RALA: variants seen among roughly 807,000 people sequenced by gnomAD.
RALA encodes RAS like proto-oncogene A.
In RALA, 5 loss-of-function variants were observed where a neutral mutation model predicts 24.0. The observed-to-expected ratio is 0.21, with a 90% confidence interval of 0.11 to 0.44. RALA has a LOEUF of 0.44. Among genes scored for constraint, RALA ranks in the 20% least tolerant of loss-of-function variants. The pLI, the probability that RALA is intolerant of heterozygous loss-of-function variation, is 0.99. For synonymous variants in RALA, 77 were observed against 83.8 expected, an observed-to-expected ratio of 0.92 and a Z score of 0.44; for missense variants, 95 against 241.2, an observed-to-expected ratio of 0.39 and a Z score of 4.01.
At chr7:39,693,543 T>C (rs1286859532) in intron 3 of RALA, among the ~76,000 whole-genome samples, 2 of 152,196 alleles carry the variant, frequency 1.3e-5, no homozygotes, top group Non-Finnish European at 2.9e-5. Flanking sequence ...GTTGTGCACA[T>C]GTACCCTACA....
At chr7:39,676,642 A>G (rs1161713873) in intron 1 of RALA, among the ~76,000 whole-genome samples, 1 of 152,172 alleles carries the variant, frequency 6.6e-6, no homozygotes, top group Non-Finnish European at 1.5e-5. Flanking sequence ...GAGCTTCTCT[A>G]TCGAAAATCT....
chr7:39,680,409 T>C (rs1227765482), intron 1 of RALA, among the ~76,000 whole-genome samples: 3 of 115,462 alleles, frequency 2.6e-5, no homozygotes, highest in East Asian at 2.2e-4. Flanking sequence ...AACACAAATA[T>C]ATATATATAT....
intron 1 of RALA, among the ~76,000 whole-genome samples, chr7:39,668,280 A>G (rs944740658): frequency 1.3e-5 from 2 of 152,358 alleles, no homozygotes; most frequent in Admixed American, 1.3e-4. Flanking sequence ...CATTTGGACA[A>G]TGTGCATGAT....
rs376119846 is a variant in RALA at position 39,692,280 on chromosome 7, C to T, written c.323+1690C>T. ...GTCTATATATGCAATGTCCTTGCTG[C>T]AGCTCCAGTATCACACTTAACACCT... On this transcript the variant is annotated intron_variant, in intron 3 of 4. Transcript: ENST00000005257. Among the ~76,000 whole-genome samples, 218 of 152,312 alleles carry T rather than the reference C, an allele frequency of 1.4e-3. 9 individuals carry two copies. In the South Asian group the frequency reaches 0.041, roughly 29 times the overall value.
intron 4 of RALA, among the ~76,000 whole-genome samples, chr7:39,697,196 C>T (rs1017158569): frequency 6.6e-6 from 1 of 152,018 alleles, no homozygotes; most frequent in South Asian, 2.1e-4. Context: ...AGCACTAAAC[C>T]GTTCTTACCT....
At chr7:39,638,326 A>C (rs6961667) in intron 1 of RALA, among the ~76,000 whole-genome samples, 1 of 151,994 alleles carries the variant, frequency 6.6e-6, no homozygotes, top group African/African-American at 2.4e-5. Flanking sequence ...GATCTTCATA[A>C]ATTTGCCCTT....
chr7:39,639,974 G>C (rs1447860835), intron 1 of RALA, among the ~76,000 whole-genome samples: 1 of 151,994 alleles, frequency 6.6e-6, no homozygotes, highest in Non-Finnish European at 1.5e-5. Flanking sequence ...TTGAGAACCT[G>C]CTGTAGTCTT....
At chr7:39,640,284 G>A (rs1791789735) in intron 1 of RALA, among the ~76,000 whole-genome samples, 1 of 152,084 alleles carries the variant, frequency 6.6e-6, no homozygotes, top group Non-Finnish European at 1.5e-5. Context: ...GGATCCACCC[G>A]CCTTGGCCTC....
In RALA at chr7:39,644,218, T is replaced by G. The variant is rs996679963; in HGVS notation, c.-38+20393T>G. Reference sequence around the variant, plus strand: ...ATTCCTATGTTTTTTTTTTTTTTAATTTGTATGTGTTAAGAGTTAAGTGTA... The same window carrying G: ...ATTCCTATGTTTTTTTTTTTTTTAAGTTGTATGTGTTAAGAGTTAAGTGTA... On this transcript the variant is annotated intron_variant, in intron 1 of 4. Coordinates refer to ENST00000005257, the MANE Select transcript of RALA (RefSeq NM_005402.4). Among the ~76,000 whole-genome samples the G allele has an allele frequency of 2.0e-5, 3 of 151,852 alleles. No individual in the cohort carries two copies. In the South Asian group the frequency reaches 6.2e-4, roughly 31 times the overall value.
At chr7:39,696,599 T>C in intron 3 of RALA, 86 bp from the exon 4 acceptor site, 2 of 1,080,810 alleles carry the variant, frequency 1.9e-6, no homozygotes, top group African/African-American at 3.2e-5. Flanking sequence ...ATGTTAACAA[T>C]AGGGAAAAAT....
At chr7:39,680,096 G>A (rs112575136) in intron 1 of RALA, among the ~76,000 whole-genome samples, 9,397 of 152,064 alleles carry the variant, frequency 0.062, 383 homozygotes, top group Non-Finnish European at 0.087. Flanking sequence ...CAGGCTGGGC[G>A]CCGTGGCTCA....
chr7:39,693,469 A>G (rs563780590), intron 3 of RALA, among the ~76,000 whole-genome samples: 38 of 152,318 alleles, frequency 2.5e-4, no homozygotes, highest in Non-Finnish European at 4.4e-4. Context: ...CCTAATGTAA[A>G]TGACGAGTTG....
Position 39,684,449 on chromosome 7 carries a change from G to T in RALA, c.-37-2182G>T, listed in dbSNP as rs147375593. 3.8e-3 allele frequency among the ~76,000 whole-genome samples: 573 copies of T among 152,134 alleles called. 4 individuals are homozygous for T. The highest frequency in any genetic ancestry group is 0.013 in the African/African-American group (556 of 41,494). ...TTTTCTTAATACTTTTATATATTGG[G>T]CAAGCAGGCATATGGGAATGATTTA... On this transcript the variant is annotated intron_variant, in intron 1 of 4. Coordinates refer to ENST00000005257, the MANE Select transcript of RALA (RefSeq NM_005402.4).
At chr7:39,699,025 G>A (rs990986852) in intron 4 of RALA, among the ~76,000 whole-genome samples, 1 of 150,004 alleles carries the variant, frequency 6.7e-6, no homozygotes, top group Non-Finnish European at 1.5e-5. Flanking sequence ...GTTAGCAAGA[G>A]TATAGAAAAA....
chr7:39,685,996 A>G, intron 1 of RALA, among the ~76,000 whole-genome samples: 1 of 152,192 alleles, frequency 6.6e-6, no homozygotes, highest in East Asian at 1.9e-4. Flanking sequence ...ATTAGAGGCC[A>G]GGAGTTTGAG....
At chr7:39,696,620 C>T (rs1055303031) in intron 3 of RALA, 65 bp from the exon 4 acceptor site, 1 of 1,333,170 alleles carries the variant, frequency 7.5e-7, no homozygotes, top group Non-Finnish European at 1.0e-6. Context: ...AGGTATGGGG[C>T]AAACAAGAAC....
intron 2 of RALA, among the ~76,000 whole-genome samples, chr7:39,687,568 ATTCATATCAGAC>A (rs1316486468): frequency 3.3e-5 from 5 of 152,250 alleles, no homozygotes; most frequent in Non-Finnish European, 7.3e-5. Context: ...GTATGCATGT[ATTCATATCAGAC>A]TTCATCATCC....
intron 1 of RALA, among the ~76,000 whole-genome samples, chr7:39,659,316 A>G (rs1022509176): frequency 1.3e-5 from 2 of 152,118 alleles, no homozygotes; most frequent in African/African-American, 4.8e-5. Flanking sequence ...CAAATCTTAA[A>G]TTTAGATTTT....
chr7:39,642,782 T>A (rs1271320078), intron 1 of RALA, among the ~76,000 whole-genome samples: 1 of 152,234 alleles, frequency 6.6e-6, no homozygotes, highest in East Asian at 1.9e-4. Flanking sequence ...ACTTGTTAAA[T>A]AGCGCATCTG....
Sources: gnomAD v4.1 joint callset for allele counts (sites outside exome capture counted in the v4.1 genomes callset) on GRCh38, gnomAD v4.1.1 for gene constraint, MANE v1.5 for transcripts, NCBI Gene and HGNC (gene_info 2026-07-23, HGNC 2026-07-21) for gene names.